Variants in LRRIQ3 observed in about 807,000 individuals in gnomAD.
LRRIQ3 encodes the protein leucine-rich repeat and IQ domain-containing protein 3.
Under a neutral mutation model 59.3 loss-of-function variants are expected in LRRIQ3, and 75 were observed. That is an observed-to-expected ratio of 1.26 (90% CI 1.05 to 1.53). The LOEUF (loss-of-function observed/expected upper bound fraction) is 1.53. Among genes scored for constraint, LRRIQ3 ranks in the 40% most tolerant of loss-of-function variants. The pLI is 0.00. For synonymous variants in LRRIQ3, 250 were observed against 231.3 expected (o/e 1.08, Z -0.73); for missense variants, 831 against 710.0 (o/e 1.17, Z -1.94).
chr1:74,040,652 C>T (rs959327437), intron 7 of LRRIQ3, among the ~76,000 whole-genome samples: 6 of 152,168 alleles, frequency 3.9e-5, no homozygotes, highest in African/African-American at 1.4e-4. Context: ...CAAAACCACA[C>T]AATTACATGG....
chr1:74,054,924 A>G (rs1296957509), intron 6 of LRRIQ3, among the ~76,000 whole-genome samples: 2 of 147,608 alleles, frequency 1.4e-5, no homozygotes, highest in Non-Finnish European at 3.0e-5. Flanking sequence ...TATAAAATGT[A>G]TAATTGTATT....
intron 5 of LRRIQ3, among the ~76,000 whole-genome samples, chr1:74,100,897 C>A (rs553786935): frequency 2.0e-5 from 3 of 152,186 alleles, no homozygotes; most frequent in Admixed American, 6.5e-5. Context: ...ACACCTTATA[C>A]AAAAATTAAT....
intron 7 of LRRIQ3, among the ~76,000 whole-genome samples, chr1:74,027,322 A>C (rs1653546359): frequency 6.6e-6 from 1 of 152,114 alleles, no homozygotes; most frequent in Non-Finnish European, 1.5e-5. Context: ...CCATATTCAT[A>C]TGTCAAAGTC....
chr1:74,185,266 A>G (rs1439697651), intron 1 of LRRIQ3, among the ~76,000 whole-genome samples: 3 of 152,210 alleles, frequency 2.0e-5, no homozygotes, highest in African/African-American at 7.2e-5. Context: ...CCCACCAGCA[A>G]TGAATGAGAG....
At chr1:74,077,372 C>T (rs1646220888) in intron 5 of LRRIQ3, among the ~76,000 whole-genome samples, 1 of 151,578 alleles carries the variant, frequency 6.6e-6, no homozygotes, top group South Asian at 2.1e-4. Flanking sequence ...TTTATCCTAC[C>T]CATGATAAAA....
intron 7 of LRRIQ3, among the ~76,000 whole-genome samples, chr1:74,029,944 G>A (rs1311071858): frequency 3.3e-5 from 5 of 151,936 alleles, no homozygotes; most frequent in Non-Finnish European, 7.4e-5. Context: ...TATGTGTCAA[G>A]GAATTTATCC....
chr1:74,091,515 G>C (rs190710670), intron 5 of LRRIQ3, among the ~76,000 whole-genome samples: 1 of 151,918 alleles, frequency 6.6e-6, no homozygotes, highest in African/African-American at 2.4e-5. Context: ...AAAATTTATT[G>C]ATTAAACGTA....
intron 5 of LRRIQ3, among the ~76,000 whole-genome samples, chr1:74,095,311 GA>G (rs1322372613): frequency 6.6e-6 from 1 of 152,078 alleles, no homozygotes; most frequent in Non-Finnish European, 1.5e-5. Flanking sequence ...TTTTATGTGA[GA>G]GAACAGTTGT....
chr1:74,157,346 C>CT (rs767980796), intron 3 of LRRIQ3, among the ~76,000 whole-genome samples: 4 of 152,038 alleles, frequency 2.6e-5, no homozygotes, highest in Non-Finnish European at 5.9e-5. Flanking sequence ...AGAAGTAACT[C>CT]TTTTTTTGTC....
At chr1:74,074,392 C>T (rs754529808) in intron 6 of LRRIQ3, among the ~76,000 whole-genome samples, 2 of 152,002 alleles carry the variant, frequency 1.3e-5, no homozygotes, top group Admixed American at 6.6e-5. Flanking sequence ...TATCAAAATC[C>T]TAGATGCCTG....
intron 3 of LRRIQ3, among the ~76,000 whole-genome samples, chr1:74,169,215 C>T (rs149644894): frequency 1.3e-5 from 2 of 152,100 alleles, no homozygotes; most frequent in Non-Finnish European, 1.5e-5. Context: ...TGCAGAGTAT[C>T]TTTCAGGTCC....
intron 3 of LRRIQ3, among the ~76,000 whole-genome samples, chr1:74,176,476 A>G (rs1052369311): frequency 2.0e-5 from 3 of 152,098 alleles, no homozygotes; most frequent in Admixed American, 6.6e-5. Flanking sequence ...TCAGCTTCTT[A>G]AATCTGCATT....
chr1:74,153,748 T>A (rs1648129267), intron 4 of LRRIQ3, among the ~76,000 whole-genome samples: 1 of 151,954 alleles, frequency 6.6e-6, no homozygotes, highest in Non-Finnish European at 1.5e-5. Context: ...GTGAAACACA[T>A]CAAAGAGGCA....
chr1:74,189,863 C>A (rs538874399), intron 1 of LRRIQ3, among the ~76,000 whole-genome samples: 5 of 152,022 alleles, frequency 3.3e-5, no homozygotes, highest in Non-Finnish European at 5.9e-5. Flanking sequence ...ATAAATTACC[C>A]GGTGTTGAGT....
intron 3 of LRRIQ3, among the ~76,000 whole-genome samples, chr1:74,171,992 TAA>T (rs1649351335): frequency 1.3e-5 from 2 of 152,166 alleles, no homozygotes; most frequent in Admixed American, 1.3e-4. Flanking sequence ...TTTCTGAGTT[TAA>T]GTCTTCTTTT....
chr1:74,028,348 A>G (rs1304158797), intron 7 of LRRIQ3, among the ~76,000 whole-genome samples: 1 of 152,098 alleles, frequency 6.6e-6, no homozygotes, highest in African/African-American at 2.4e-5. Flanking sequence ...TTTCTCTCTC[A>G]TTTTCTTCAT....
chr1:74,187,450 C>A (rs1162275392), intron 1 of LRRIQ3, among the ~76,000 whole-genome samples: 2 of 151,836 alleles, frequency 1.3e-5, no homozygotes, highest in Admixed American at 1.3e-4. Flanking sequence ...GGATGTAGCC[C>A]AGAAGGCTAT....
intron 3 of LRRIQ3, among the ~76,000 whole-genome samples, chr1:74,173,968 C>A (rs889568905): frequency 6.6e-6 from 1 of 152,000 alleles, no homozygotes; most frequent in Non-Finnish European, 1.5e-5. Context: ...TCTTCCAGCC[C>A]ACAAGGTTTC....
intron 5 of LRRIQ3, among the ~76,000 whole-genome samples, chr1:74,094,841 C>T (rs976958684): frequency 6.6e-6 from 1 of 152,062 alleles, no homozygotes; most frequent in Non-Finnish European, 1.5e-5. Context: ...GGTTTGCTCC[C>T]TTTGGTAGAG....
Sources: gnomAD v4.1 joint callset for allele counts (sites outside exome capture counted in the v4.1 genomes callset) on GRCh38, gnomAD v4.1.1 for gene constraint, MANE v1.5 for transcripts, NCBI Gene and HGNC (gene_info 2026-07-23, HGNC 2026-07-21) for gene names.